Variants in LAMA5 observed in about 807,000 individuals in gnomAD.
The protein encoded by LAMA5 is laminin subunit alpha 5, also known as laminin subunit alpha-5.
A neutral mutation model predicts 433.4 loss-of-function variants in LAMA5; 260 were observed. The ratio of observed to expected loss-of-function variants is 0.60; its 90% CI spans 0.54 to 0.66. LAMA5 has a LOEUF of 0.66. Among genes scored for constraint, LAMA5 ranks in the 30% least tolerant of loss-of-function variants. The pLI is 0.00. For missense variants in LAMA5, 5,378 were observed against 5,258.5 expected (o/e 1.02, Z -0.70); for synonymous variants, 2,620 against 2,226.6 (o/e 1.18, Z -4.97).
At chr20:62,319,058 T>C in intron 51 of LAMA5, 45 bp from the exon 52 acceptor site, 1 of 1,470,872 alleles carries the variant, frequency 6.8e-7, no homozygotes, top group South Asian at 1.4e-5. Flanking sequence ...CCCGTACTAG[T>C]GCACCTCTGC....
Position 62,323,651 on chromosome 20 carries a change from C to G in LAMA5, c.5869G>C (p.Gly1957Arg). 6.2e-7 allele frequency: 1 copy of G among 1,609,620 alleles called. No individual in the cohort carries two copies. The highest frequency in any genetic ancestry group is 8.5e-7 in the Non-Finnish European group (1 of 1,178,514). The change falls in exon 45 of 80, where the codon GGG becomes CGG. Residue 1957 changes from glycine to arginine, a missense_variant. Physicochemically the swap from Gly to Arg is moderately radical, Grantham distance 125 (BLOSUM62 -2). Transcript: ENST00000252999. ...SCERCAPGFF[G>R]NPLVLGSSCQ... ...GAGCTGCCCAGCACCAGTGGGTTCC[C>G]AAAGAATCCGGGCGCACACCTGGGA...
At chr20:62,311,346 A>T in intron 72 of LAMA5, 39 bp from the exon 73 acceptor site, 1 of 1,522,146 alleles carries the variant, frequency 6.6e-7, no homozygotes, top group South Asian at 1.2e-5. Context: ...CCGCCCACAC[A>T]GGGGCCACCC....
chr20:62,334,161 C>A, intron 22 of LAMA5, 25 bp downstream of exon 22: 3 of 1,605,476 alleles, frequency 1.9e-6, no homozygotes, highest in Non-Finnish European at 2.6e-6. Context: ...TAGGCTGAGC[C>A]TGGGAGGGGG....
intron 44 of LAMA5, 51 bp from the exon 45 acceptor site, chr20:62,323,721 G>A (rs752340360): frequency 1.0e-5 from 16 of 1,593,270 alleles, no homozygotes; most frequent in Admixed American, 8.5e-5. Context: ...GCCCACCCTC[G>A]CATATCCTGG....
intron 11 of LAMA5, among the ~76,000 whole-genome samples, chr20:62,342,028 C>T (rs1255773509): frequency 2.0e-5 from 3 of 152,116 alleles, no homozygotes; most frequent in East Asian, 1.9e-4. Flanking sequence ...ACTGGCCAGG[C>T]GTGGTGGCTC....
At chr20:62,347,909 A>C (rs1191217498) in intron 6 of LAMA5, among the ~76,000 whole-genome samples, 1 of 152,210 alleles carries the variant, frequency 6.6e-6, no homozygotes, top group African/African-American at 2.4e-5. Context: ...GCTTTCCCTC[A>C]GAATCCAGAA....
At position 62,314,864 on chromosome 20, in the gene LAMA5, C is replaced by A. The variant is rs564992530; in HGVS notation, c.8131G>T (p.Ala2711Ser). ...ENRGVHNASL[A>S]LSASIGRVRE... ...ACGCGGCCAATGCTGGCGGACAGGG[C>A]CAGGCTGGCGTTGTGCACCCCACGG... Residue 2711 changes from alanine (A) to serine (S), a missense_variant, in exon 60 of 80, where the codon GCC becomes TCC. Physicochemically the swap from Ala to Ser is moderately conservative, Grantham distance 99. Coordinates refer to ENST00000252999, the MANE Select transcript of LAMA5 (RefSeq NM_005560.6). 6.2e-7 allele frequency: 1 copy of A among 1,612,454 alleles called. No individual in the cohort carries two copies.
intron 53 of LAMA5, among the ~76,000 whole-genome samples, chr20:62,318,064 G>A (rs1406671687): frequency 5.4e-5 from 1 of 18,390 alleles, no homozygotes; most frequent in Non-Finnish European, 1.2e-4. Flanking sequence ...GGTGAGGAGA[G>A]ATGGGGAAAT....
chr20:62,364,973 G>A (rs541410156), intron 1 of LAMA5, among the ~76,000 whole-genome samples: 18 of 152,232 alleles, frequency 1.2e-4, no homozygotes, highest in Non-Finnish European at 2.4e-4. Context: ...ACTCCAGACC[G>A]GCCGGCAAGG....
chr20:62,341,059 T>C (rs969034634), intron 11 of LAMA5, among the ~76,000 whole-genome samples: 1 of 148,820 alleles, frequency 6.7e-6, no homozygotes, highest in African/African-American at 2.5e-5. Flanking sequence ...AATAAATAAA[T>C]AAATAAATAA....
At chr20:62,317,170 G>T in intron 55 of LAMA5, 147 bp from the exon 56 acceptor site, 1 of 1,181,592 alleles carries the variant, frequency 8.5e-7, no homozygotes, top group South Asian at 1.6e-5. Flanking sequence ...TCGCCTGCTG[G>T]GTGTACTGCT....
At position 62,338,484 on chromosome 20, in the gene LAMA5, G is replaced by A. The variant is rs773072932; in HGVS notation, c.1602C>T (p.Tyr534=). The A allele has an allele frequency of 9.9e-6, 16 of 1,608,386 alleles. No homozygotes were observed. Among genetic ancestry groups the A allele is most frequent in the East Asian group, 8.9e-5 (4 of 44,704 alleles). The change falls in exon 12 of 80, where the codon TAC becomes TAT. Residue 534 remains tyrosine, a synonymous_variant. Coordinates refer to ENST00000252999, the MANE Select transcript of LAMA5 (RefSeq NM_005560.6). The stretch of plus-strand genomic sequence containing the variant: ...GGGACTCACGCTGGCAGCCGGGGCC[G>A]TAGAACCCTGGCGCGCAGAGCTCAC... ...THCELCAPGF[Y]GPGCQPCQCS...
At position 62,331,048 on chromosome 20, in the gene LAMA5, C is replaced by T. The variant is rs1240082287; in HGVS notation, c.3634G>A (p.Ala1212Thr). 5.6e-6 allele frequency: 9 copies of T among 1,600,824 alleles called. No individual in the cohort carries two copies. The highest frequency in any genetic ancestry group is 2.2e-5 in the South Asian group (2 of 89,436). ...PRVSCISSHG[A>T]FGPNSAACLP... is the part of the protein sequence containing the mutation. The stretch of plus-strand genomic sequence containing the variant: ...TGCCATTACCTGTTGGGGCCAAAGG[C>T]GCCGTGGCTGCTGATGCAGCTGACC... The change falls in exon 29 of 80, where the codon GCC (alanine) becomes ACC (threonine). Residue 1212 changes from alanine to threonine, a missense_variant. By Grantham distance (58) the Ala-to-Thr change is moderately conservative. Coordinates refer to ENST00000252999, the MANE Select transcript of LAMA5 (RefSeq NM_005560.6).
chr20:62,315,753 CG>C (rs1453300382), intron 58 of LAMA5, among the ~76,000 whole-genome samples, 194 bp downstream of exon 58: 1 of 152,208 alleles, frequency 6.6e-6, no homozygotes, highest in East Asian at 1.9e-4. Flanking sequence ...GCCAGGCTCC[CG>C]ACGGCTGGGG....
At chr20:62,355,872 G>A (rs936282483) in intron 2 of LAMA5, among the ~76,000 whole-genome samples, 1 of 152,046 alleles carries the variant, frequency 6.6e-6, no homozygotes, top group Non-Finnish European at 1.5e-5. Context: ...CTGTTCTCGG[G>A]GAGCTGGCAA....
chr20:62,310,627 T>A, intron 75 of LAMA5, 38 bp downstream of exon 75: 1 of 1,590,252 alleles, frequency 6.3e-7, no homozygotes, highest in South Asian at 1.1e-5. Flanking sequence ...AAGGGAACAG[T>A]GGGTGGGGAG....
chr20:62,324,852 C>T lies in LAMA5; in HGVS notation c.5530-298G>A, dbSNP rs1035062727. 1 of 451,752 alleles carries T rather than the reference C, an allele frequency of 2.2e-6. No homozygotes were observed. The allele number at this position is 451,752 out of a possible 1,614,324, so 28.0% of individuals were successfully genotyped here. ...CCCACTCCATGTGGACCAGGGCCTA[C>T]TCTTTCCACTCCTTCTAGGAGGTAT... On this transcript the variant is annotated intron_variant, in intron 41 of 79. Transcript: ENST00000252999. This position sits in a 1 kb window ranked among gnomAD's most constrained non-coding sequence, Gnocchi z 4.4.
Position 62,331,013 on chromosome 20 carries a change from C to T in LAMA5, c.3650+19G>A. Reference sequence around the variant, plus strand: ...GGGCCCTCGGCCGCGCCCCTCCCAGCCCCATTACCTGCCATTACCTGTTGG... The same window carrying T: ...GGGCCCTCGGCCGCGCCCCTCCCAGTCCCATTACCTGCCATTACCTGTTGG... On this transcript the variant is annotated intron_variant, in intron 29 of 79. Coordinates refer to ENST00000252999, the MANE Select transcript of LAMA5 (RefSeq NM_005560.6). 6.3e-7 allele frequency: 1 copy of T among 1,590,482 alleles called. No homozygotes were observed. The highest frequency in any genetic ancestry group is 8.6e-7 in the Non-Finnish European group (1 of 1,169,308).
At chr20:62,364,298 T>C (rs1302617195) in intron 1 of LAMA5, among the ~76,000 whole-genome samples, 1 of 152,170 alleles carries the variant, frequency 6.6e-6, no homozygotes, top group Non-Finnish European at 1.5e-5. Flanking sequence ...CGGCGCCCTC[T>C]GGCTGGGACA....
Sources: allele counts gnomAD v4.1 joint callset (sites outside exome capture counted in the v4.1 genomes callset), GRCh38; gene constraint gnomAD v4.1.1; non-coding constraint Gnocchi (gnomAD v3.1); transcripts MANE v1.5; gene names NCBI Gene and HGNC (gene_info 2026-07-23, HGNC 2026-07-21).